The following PTPN13 variants were observed in gnomAD, a reference collection of about 807,000 sequenced individuals.
The protein encoded by PTPN13 is tyrosine-protein phosphatase non-receptor type 13.
PTPN13 carries 191 observed loss-of-function variants against 284.0 expected under a neutral mutation model. The ratio of observed to expected loss-of-function variants is 0.67; its 90% CI spans 0.60 to 0.76. The LOEUF (loss-of-function observed/expected upper bound fraction) is 0.76. Among genes scored for constraint, PTPN13 ranks in the 30% least tolerant of loss-of-function variants. The pLI, the probability that PTPN13 is intolerant of heterozygous loss-of-function variation, is 0.00. For missense variants in PTPN13, 2,797 were observed against 2,939.9 expected (o/e 0.95, Z 1.12); for synonymous variants, 986 against 1,022.3 (o/e 0.96, Z 0.68).
intron 2 of PTPN13, 131 bp from the exon 3 acceptor site, chr4:86,672,234 T>G: frequency 1.5e-6 from 1 of 687,226 alleles, no homozygotes; most frequent in African/African-American, 1.8e-5. Context: ...TTGGTATATG[T>G]TAACTACTTA....
intron 8 of PTPN13, 136 bp from the exon 9 acceptor site, chr4:86,716,888 A>T: frequency 1.5e-6 from 1 of 651,194 alleles, no homozygotes; most frequent in Non-Finnish European, 2.6e-6. Flanking sequence ...AAAGAGTTTA[A>T]TAACATTATG....
intron 35 of PTPN13, among the ~76,000 whole-genome samples, chr4:86,779,370 T>A (rs986656196): frequency 2.7e-5 from 4 of 148,116 alleles, no homozygotes; most frequent in Non-Finnish European, 5.9e-5. Context: ...TGAGCCGAGA[T>A]AGCGCCACTG....
chr4:86,732,542 AT>A, intron 11 of PTPN13, 49 bp from the exon 12 acceptor site: 12 of 1,596,118 alleles, frequency 7.5e-6, no homozygotes, highest in Non-Finnish European at 1.0e-5. Flanking sequence ...ACCAGTTAAA[AT>A]TCTTATAATG....
intron 32 of PTPN13, 43 bp downstream of exon 32, chr4:86,773,001 T>A: frequency 1.5e-6 from 2 of 1,367,296 alleles, no homozygotes; most frequent in East Asian, 2.6e-5. Context: ...CCATATTTTT[T>A]AAAAGAAGGT....
chr4:86,766,767 G>A (rs1281799974), intron 27 of PTPN13: 3 of 305,658 alleles, frequency 9.8e-6, no homozygotes, highest in African/African-American at 2.2e-5. Context: ...ATCTGATGGG[G>A]GAGGGATGGA....
intron 23 of PTPN13, among the ~76,000 whole-genome samples, chr4:86,761,320 AACTT>A (rs1295911191): frequency 6.6e-6 from 1 of 151,856 alleles, no homozygotes; most frequent in Admixed American, 6.6e-5. Context: ...GACATATCAA[AACTT>A]ACTTAACTTT....
intron 5 of PTPN13, among the ~76,000 whole-genome samples, chr4:86,691,723 C>T (rs765529011): frequency 2.2e-4 from 34 of 152,130 alleles, no homozygotes; most frequent in African/African-American, 7.5e-4. Context: ...GTCACAGATA[C>T]GGTAAATGAT....
At chr4:86,620,610 G>C (rs571621654) in intron 1 of PTPN13, among the ~76,000 whole-genome samples, 179 of 152,276 alleles carry the variant, frequency 1.2e-3, no homozygotes, top group Admixed American at 2.5e-3. Context: ...AGAACATCAT[G>C]TCTAAATAGC....
rs1292175861 is a variant in PTPN13 at position 86,734,468 on chromosome 4, A to G, written c.2012+12A>G. ...GTTAGTCTAATACAGTGAGTACACA[A>G]GAGTTTCTCTTTTGCTCTTTTTGGA... On this transcript the variant is annotated intron_variant, in intron 13 of 47. Transcript: ENST00000411767. 3 of 1,524,806 alleles carry G rather than the reference A, an allele frequency of 2.0e-6. No individual in the cohort carries two copies. In the African/African-American group the frequency reaches 4.2e-5, roughly 21 times the overall value. The allele number at this position is 1,524,806 out of a possible 1,614,324, so 94.5% of individuals were successfully genotyped here. A position where few individuals can be genotyped will look rare whatever the true frequency, so the allele number is the denominator to read the frequency against.
At chr4:86,665,249 T>C (rs1241037604) in intron 2 of PTPN13, among the ~76,000 whole-genome samples, 1 of 152,194 alleles carries the variant, frequency 6.6e-6, no homozygotes, top group Middle Eastern at 3.2e-3. Context: ...TGTGTGTTTG[T>C]GTGGCTAATG....
At position 86,714,482 on chromosome 4, in the gene PTPN13, C is replaced by T. The variant is rs565995638; in HGVS notation, c.1196-2048C>T. 8.5e-5 allele frequency among the ~76,000 whole-genome samples: 13 copies of T among 152,188 alleles called. No homozygotes were observed. The South Asian group carries it at 2.7e-3, about 32-fold the overall frequency. On this transcript the variant is annotated intron_variant, in intron 7 of 47. Coordinates refer to ENST00000411767, the MANE Select transcript of PTPN13 (RefSeq NM_080683.3). The stretch of plus-strand genomic sequence containing the variant: ...CTACCATTTGCAACTTCAGTCTCTC[C>T]CACTCAACGGGCTTATTATCCACCA...
At chr4:86,625,774 T>C (rs1721769286) in intron 1 of PTPN13, among the ~76,000 whole-genome samples, 1 of 152,154 alleles carries the variant, frequency 6.6e-6, no homozygotes, top group Non-Finnish European at 1.5e-5. Context: ...CCCCACTACG[T>C]AGGCAGTTTA....
At chr4:86,670,831 G>A (rs956482601) in intron 2 of PTPN13, among the ~76,000 whole-genome samples, 3 of 152,096 alleles carry the variant, frequency 2.0e-5, no homozygotes, top group African/African-American at 7.2e-5. Flanking sequence ...ACTAAGAGGC[G>A]GCTTTTAACA....
intron 40 of PTPN13, 29 bp downstream of exon 40, chr4:86,785,965 T>C: frequency 7.8e-7 from 1 of 1,277,590 alleles, no homozygotes; most frequent in Non-Finnish European, 1.1e-6. Flanking sequence ...CAACCTAGGA[T>C]ATGACAGCTT....
chr4:86,773,986 G>A (rs1426732870), intron 32 of PTPN13, among the ~76,000 whole-genome samples: 1 of 150,484 alleles, frequency 6.6e-6, no homozygotes. Context: ...ATGGCTCTTT[G>A]CATTTGTTTA....
chr4:86,608,520 A>G (rs1764992689), intron 1 of PTPN13, among the ~76,000 whole-genome samples: 1 of 152,128 alleles, frequency 6.6e-6, no homozygotes, highest in Non-Finnish European at 1.5e-5. Flanking sequence ...ATGATAGTAC[A>G]TGCTTATAAA....
intron 6 of PTPN13, among the ~76,000 whole-genome samples, chr4:86,695,951 G>A (rs1390890916): frequency 6.6e-6 from 1 of 151,854 alleles, no homozygotes; most frequent in African/African-American, 2.4e-5. Context: ...TCCAGTGTGG[G>A]TCTGTAGAAA....
intron 10 of PTPN13, among the ~76,000 whole-genome samples, chr4:86,730,089 T>C (rs1235269928): frequency 6.7e-6 from 1 of 149,830 alleles, no homozygotes; most frequent in Admixed American, 6.7e-5. Flanking sequence ...ATCCCTCAGC[T>C]GCAGGTCTGT....
At position 86,607,951 on chromosome 4, in the gene PTPN13, A is replaced by G. The variant is rs535045986; in HGVS notation, c.-6+13162A>G. Among the ~76,000 whole-genome samples, 220 of 152,154 alleles carry G rather than the reference A, an allele frequency of 1.4e-3. 2 individuals are homozygous for G. The highest frequency in any genetic ancestry group is 2.0e-3 in the Non-Finnish European group (139 of 67,898). On this transcript the variant is annotated intron_variant, in intron 1 of 47. Transcript: ENST00000411767. ...ATGTTTAGATGCTCATCACAGCATTATTTGTAGTAATATAAAATTGGAAAC... is the reference window on the plus strand; with the variant it reads ...ATGTTTAGATGCTCATCACAGCATTGTTTGTAGTAATATAAAATTGGAAAC...
Sources: allele counts gnomAD v4.1 joint callset (sites outside exome capture counted in the v4.1 genomes callset), GRCh38; gene constraint gnomAD v4.1.1; transcripts MANE v1.5; gene names NCBI Gene and HGNC (gene_info 2026-07-23, HGNC 2026-07-21).